The following ETS1 variants were observed in gnomAD, a reference collection of about 807,000 sequenced individuals.
ETS1 encodes the protein ETS proto-oncogene 1, transcription factor, also known as protein C-ets-1.
A neutral mutation model predicts 58.6 loss-of-function variants in ETS1; 15 were observed. The observed-to-expected ratio is 0.26, with a 90% CI of 0.17 to 0.39. The LOEUF is 0.39. Among genes scored for constraint, ETS1 ranks in the 10% least tolerant of loss-of-function variants. The pLI, the probability that ETS1 is intolerant of heterozygous loss-of-function variation, is 1.00. For missense variants in ETS1, 417 were observed against 610.5 expected, an observed-to-expected ratio of 0.68 and a Z score of 3.34; for synonymous variants, 214 against 218.2, an observed-to-expected ratio of 0.98 and a Z score of 0.17.
At chr11:128,492,926 A>C (rs1288719930) in intron 3 of ETS1, among the ~76,000 whole-genome samples, 2 of 152,212 alleles carry the variant, frequency 1.3e-5, no homozygotes, top group Non-Finnish European at 2.9e-5. Flanking sequence ...GAGTGAATTA[A>C]ATTTTTCCAA....
intron 2 of ETS1, among the ~76,000 whole-genome samples, chr11:128,567,001 C>T (rs1278113795): frequency 6.6e-6 from 1 of 152,078 alleles, no homozygotes; most frequent in Non-Finnish European, 1.5e-5. Context: ...GAAATAGAGT[C>T]CTGTGGATCA....
intron 3 of ETS1, among the ~76,000 whole-genome samples, chr11:128,553,881 A>C (rs1387287052): frequency 6.6e-6 from 1 of 152,174 alleles, no homozygotes; most frequent in East Asian, 1.9e-4. Context: ...AGTGGTGGGC[A>C]GTAGCCATGA....
intron 3 of ETS1, chr11:128,536,266 C>A (rs1863971416): frequency 6.6e-6 from 1 of 152,116 alleles, no homozygotes; most frequent in Non-Finnish European, 1.5e-5. Flanking sequence ...GAAAATCACA[C>A]CTGTTAATTT....
intron 3 of ETS1, among the ~76,000 whole-genome samples, chr11:128,548,683 C>T (rs190894014): frequency 1.3e-5 from 2 of 152,368 alleles, no homozygotes; most frequent in African/African-American, 4.8e-5. Context: ...GGGCGAGGTT[C>T]GGGCCGAGGC....
intron 3 of ETS1, chr11:128,497,714 G>A (rs944439602): frequency 7.6e-6 from 2 of 264,468 alleles, no homozygotes; most frequent in African/African-American, 2.3e-5. Context: ...TCCCAAATTC[G>A]TTCAGGCACC....
At chr11:128,553,047 A>G (rs1864256975) in intron 3 of ETS1, among the ~76,000 whole-genome samples, 1 of 152,210 alleles carries the variant, frequency 6.6e-6, no homozygotes, top group South Asian at 2.1e-4. Flanking sequence ...GTCAGACTAT[A>G]AACAGCAACA....
chr11:128,487,884 T>TCA (rs35508258), intron 5 of ETS1, among the ~76,000 whole-genome samples: 46,886 of 151,986 alleles, frequency 0.31, 7,558 homozygotes, highest in Admixed American at 0.43. Flanking sequence ...CCTTACTATC[T>TCA]CACAGTTATT....
chr11:128,522,042 C>T (rs61907765), intron 3 of ETS1: 290,720 of 1,526,580 alleles, frequency 0.19, 30,369 homozygotes, highest in Non-Finnish European at 0.21. Flanking sequence ...TTTGCAGTTA[C>T]TGTTGTTTTT....
intron 2 of ETS1, among the ~76,000 whole-genome samples, chr11:128,567,953 TAC>T (rs1347893382): frequency 6.6e-6 from 1 of 152,164 alleles, no homozygotes; most frequent in Non-Finnish European, 1.5e-5. Context: ...GAGTTTTTAA[TAC>T]AGTTACTTCA....
At chr11:128,528,095 C>G (rs1476120468) in intron 3 of ETS1, among the ~76,000 whole-genome samples, 6 of 152,082 alleles carry the variant, frequency 3.9e-5, no homozygotes, top group Non-Finnish European at 8.8e-5. Flanking sequence ...AAGTCGAGGA[C>G]AGAGAAGGGG....
rs755020444 is a variant in ETS1, at chr11:128,573,136, T to A, written c.-6A>T. On this transcript the variant is annotated 5_prime_UTR_variant, in exon 2 of 10. Transcript: ENST00000392668. ...GAATCCACAAAGTAGCTCATTCTGCTCTCAGCACCTGTGTGAGAGAAGGCG... is the reference window on the plus strand; with the variant it reads ...GAATCCACAAAGTAGCTCATTCTGCACTCAGCACCTGTGTGAGAGAAGGCG... The A allele has an allele frequency of 4.4e-6, 7 of 1,579,438 alleles. No individual in the cohort carries two copies. In the East Asian group the frequency reaches 1.6e-4, roughly 37 times the overall value.
chr11:128,506,021 C>G (rs1451177937), intron 3 of ETS1, among the ~76,000 whole-genome samples: 1 of 152,140 alleles, frequency 6.6e-6, no homozygotes, highest in Non-Finnish European at 1.5e-5. Context: ...GAAAAAGTCC[C>G]TTGAGATTGG....
At chr11:128,471,473 A>G (rs912388875) in intron 8 of ETS1, among the ~76,000 whole-genome samples, 2 of 152,368 alleles carry the variant, frequency 1.3e-5, no homozygotes, top group Middle Eastern at 3.4e-3. Context: ...TCTCTATTCA[A>G]ATGCAACCAC....
At chr11:128,490,285 G>A (rs1862760335) in intron 4 of ETS1, among the ~76,000 whole-genome samples, 172 bp downstream of exon 4, 1 of 152,186 alleles carries the variant, frequency 6.6e-6, no homozygotes, top group African/African-American at 2.4e-5. Context: ...CCAGGAGACG[G>A]GGCAGCCTCA....
chr11:128,502,947 A>G (rs1170173163), intron 3 of ETS1, among the ~76,000 whole-genome samples: 1 of 152,142 alleles, frequency 6.6e-6, no homozygotes, highest in African/African-American at 2.4e-5. Context: ...CGCAACCAAC[A>G]GTAAGCAACT....
At chr11:128,580,661 C>A (rs1207366399) in intron 1 of ETS1, among the ~76,000 whole-genome samples, 1 of 152,178 alleles carries the variant, frequency 6.6e-6, no homozygotes, top group African/African-American at 2.4e-5. Context: ...AAGTAGCCAG[C>A]ACTGACAAAT....
At chr11:128,466,913 G>A (rs1334426147) in intron 8 of ETS1, among the ~76,000 whole-genome samples, 1 of 152,164 alleles carries the variant, frequency 6.6e-6, no homozygotes, top group Non-Finnish European at 1.5e-5. Context: ...AGAGATGTCA[G>A]TTCCTGGCTC....
At chr11:128,520,830 A>AAAACC (rs1229220370) in intron 3 of ETS1, among the ~76,000 whole-genome samples, 1 of 152,250 alleles carries the variant, frequency 6.6e-6, no homozygotes, top group Non-Finnish European at 1.5e-5. Flanking sequence ...AGAAAGGGTT[A>AAAACC]AAGTAAGCAA....
At chr11:128,556,501 C>G in intron 2 of ETS1, 66 bp from the exon 3 acceptor site, 1 of 1,084,576 alleles carries the variant, frequency 9.2e-7, no homozygotes, top group Non-Finnish European at 1.3e-6. Flanking sequence ...CCCTAAAGAA[C>G]TATGACTTCA....
Sources: allele counts gnomAD v4.1 joint callset (sites outside exome capture counted in the v4.1 genomes callset), GRCh38; gene constraint gnomAD v4.1.1; transcripts MANE v1.5; gene names NCBI Gene and HGNC (gene_info 2026-07-23, HGNC 2026-07-21).